TG: variants seen among roughly 807,000 people sequenced by gnomAD.
TG encodes the protein thyroid hormones.
A neutral mutation model predicts 324.7 loss-of-function variants in TG; 270 were observed. The observed-to-expected ratio is 0.83, with a 90% CI of 0.75 to 0.92. The LOEUF (loss-of-function observed/expected upper bound fraction) is 0.92. Ranked by LOEUF, TG falls within the 40% of genes least tolerant of loss-of-function variation. The pLI is 0.00. For synonymous variants in TG, 1,401 were observed against 1,327.0 expected (o/e 1.06, Z -1.21); for missense variants, 3,591 against 3,456.4 (o/e 1.04, Z -0.98).
chr8:133,019,460 C>T (rs1465364952), intron 38 of TG, 142 bp from the exon 39 acceptor site: 3 of 682,538 alleles, frequency 4.4e-6, no homozygotes, highest in East Asian at 3.0e-5. Context: ...CTTTCCACTC[C>T]CATTTCCTGA....
At chr8:133,027,222 T>C (rs1442949511) in intron 40 of TG, among the ~76,000 whole-genome samples, 1 of 152,150 alleles carries the variant, frequency 6.6e-6, no homozygotes, top group Non-Finnish European at 1.5e-5. Flanking sequence ...AATTCAACAA[T>C]GAGGGAGCAG....
intron 41 of TG, among the ~76,000 whole-genome samples, chr8:133,065,470 A>G (rs1353457498): frequency 6.6e-6 from 1 of 152,220 alleles, no homozygotes; most frequent in Non-Finnish European, 1.5e-5. Context: ...GTGATTTTTA[A>G]AAGTTATCAG....
rs1373835596 is a variant in TG at position 132,886,824 on chromosome 8, C to T, written c.1452C>T (p.Asn484=). 1 of 1,614,220 alleles carries T rather than the reference C, an allele frequency of 6.2e-7. No individual in the cohort carries two copies. Residue 484 remains asparagine (N), a synonymous_variant, in exon 9 of 48, where the codon AAC becomes AAT. Transcript: ENST00000220616. ...TTTTGGTGAATGTTGGCCAGTTTAA[C>T]TTGTCTGGAGCCCTTGGCACAAGAG... is the stretch of plus-strand genomic sequence containing the variant. ...GKFLVNVGQF[N]LSGALGTRGT... is the part of the protein sequence containing the mutation.
At chr8:132,868,841 C>G (rs1839213582) in intron 2 of TG, among the ~76,000 whole-genome samples, 1 of 152,246 alleles carries the variant, frequency 6.6e-6, no homozygotes, top group South Asian at 2.1e-4. Context: ...GCAGAATAGA[C>G]AGGAATCCTT....
intron 27 of TG, among the ~76,000 whole-genome samples, chr8:132,951,201 T>G (rs1826053298): frequency 1.3e-5 from 2 of 152,232 alleles, no homozygotes; most frequent in African/African-American, 4.8e-5. Context: ...TGAATTGTGT[T>G]TCATTAATTT....
At chr8:133,066,882 T>C (rs1587965657) in intron 41 of TG, among the ~76,000 whole-genome samples, 1 of 152,124 alleles carries the variant, frequency 6.6e-6, no homozygotes, top group Non-Finnish European at 1.5e-5. Context: ...GGCTGGGGGG[T>C]TGGCTAACTC....
chr8:132,979,748 C>T (rs1830596158), intron 34 of TG, among the ~76,000 whole-genome samples: 1 of 152,166 alleles, frequency 6.6e-6, no homozygotes, highest in Non-Finnish European at 1.5e-5. Context: ...GATACCACAT[C>T]TGTCAGGTTT....
intron 41 of TG, chr8:133,047,535 A>G (rs1839658120): frequency 6.9e-6 from 3 of 431,684 alleles, no homozygotes; most frequent in Non-Finnish European, 1.3e-5. Flanking sequence ...CATGCTGCCT[A>G]CACACTGCGT....
At chr8:133,095,328 A>G (rs576786248) in intron 42 of TG, 120 bp downstream of exon 42, 122 of 1,388,724 alleles carry the variant, frequency 8.8e-5, no homozygotes, top group South Asian at 4.5e-4. Context: ...CTGATGACCA[A>G]CTGGAGCTGG....
Position 133,092,682 on chromosome 8 carries a change from G to A in TG, c.7240-2362G>A, listed in dbSNP as rs377205672. ...CTTCATCAGGGAGTGACACAGCTGG[G>A]GTTCAAACCGAGCCCTTCTGCCCCA... On this transcript the variant is annotated intron_variant, in intron 41 of 47. Coordinates refer to ENST00000220616, the MANE Select transcript of TG (RefSeq NM_003235.5). Among the ~76,000 whole-genome samples, 288 of 152,240 alleles carry A rather than the reference G, an allele frequency of 1.9e-3. 2 individuals are homozygous for A. Among genetic ancestry groups the A allele is most frequent in the African/African-American group, 6.7e-3 (277 of 41,536 alleles).
At chr8:133,043,191 G>T (rs1269519414) in intron 41 of TG, among the ~76,000 whole-genome samples, 1 of 152,122 alleles carries the variant, frequency 6.6e-6, no homozygotes, top group African/African-American at 2.4e-5. Flanking sequence ...GCTGCACTGG[G>T]GTGAGATATT....
In TG at chr8:132,911,493, G is replaced by C; in HGVS notation, c.4119G>C (p.Glu1373Asp). Residue 1373 changes from glutamate (E) to aspartate (D), a missense_variant, in exon 19 of 48, where the codon GAG becomes GAC. Coordinates refer to ENST00000220616, the MANE Select transcript of TG (RefSeq NM_003235.5). ...GVNVTWKSRL[E>D]DIPVASLPDL... ...ATGTTACATGGAAATCACGGCTTGA[G>C]GACATCCCAGTGGCTTCTCTTCCTG... 2.5e-6 allele frequency: 4 copies of C among 1,614,156 alleles called. No homozygotes were observed. The highest frequency in any genetic ancestry group is 3.4e-6 in the Non-Finnish European group (4 of 1,180,020).
chr8:133,058,996 C>T, intron 41 of TG: 1 of 465,642 alleles, frequency 2.1e-6, no homozygotes, highest in Non-Finnish European at 4.3e-6. Flanking sequence ...CTGGGCCTGT[C>T]CATTTTGGAA....
chr8:133,118,320 CTTTTTT>C (rs34171048), intron 45 of TG, among the ~76,000 whole-genome samples: 8 of 88,968 alleles, frequency 9.0e-5, no homozygotes, highest in Admixed American at 2.7e-4. Flanking sequence ...CAGATTCTTC[CTTTTTT>C]TTTTTTTTTT....
intron 5 of TG, among the ~76,000 whole-genome samples, chr8:132,879,243 C>A (rs901953193): frequency 1.3e-5 from 2 of 152,208 alleles, no homozygotes; most frequent in African/African-American, 4.8e-5. Context: ...AGCTTGAAAT[C>A]ACTGGTGATT....
chr8:132,887,950 T>G, intron 9 of TG, 34 bp from the exon 10 acceptor site: 1 of 1,581,920 alleles, frequency 6.3e-7, no homozygotes, highest in Non-Finnish European at 8.6e-7. Flanking sequence ...TTAAATTTCT[T>G]AAACTGAAAC....
rs559705303 is a variant in TG, at chr8:132,897,683, G to A, written c.3036G>A (p.Pro1012=). ...TCTATCAGAGACGCCGCTTTTCCCC[G>A]GACGACTCGGCTGGAGCATCCGCCC... ...LSFYQRRRFS[P]DDSAGASALL... is the part of the protein sequence containing the mutation. The change falls in exon 12 of 48, where the codon CCG becomes CCA. Residue 1012 remains proline, a synonymous_variant. Transcript: ENST00000220616. The A allele has an allele frequency of 9.9e-6, 16 of 1,614,146 alleles. No individual in the cohort carries two copies. The highest frequency in any genetic ancestry group is 8.0e-5 in the African/African-American group (6 of 75,020).
intron 41 of TG, among the ~76,000 whole-genome samples, chr8:133,041,446 G>A (rs1214708757): frequency 6.6e-6 from 1 of 152,226 alleles, no homozygotes; most frequent in Non-Finnish European, 1.5e-5. Flanking sequence ...GGTGCCCTTG[G>A]AGAAATGGGA....
intron 43 of TG, chr8:133,102,962 G>A (rs1290231626): frequency 2.8e-5 from 7 of 253,202 alleles, no homozygotes; most frequent in Non-Finnish European, 4.8e-5. Flanking sequence ...CTGGCAGCCC[G>A]AGGCGCTGGC....
Sources: gnomAD v4.1 joint callset for allele counts (sites outside exome capture counted in the v4.1 genomes callset) on GRCh38, gnomAD v4.1.1 for gene constraint, MANE v1.5 for transcripts, NCBI Gene and HGNC (gene_info 2026-07-23, HGNC 2026-07-21) for gene names.